MEGF11: variants seen among roughly 807,000 people sequenced by gnomAD.
MEGF11 encodes multiple epidermal growth factor-like domains protein 11.
In MEGF11, 126 loss-of-function variants were observed where a neutral mutation model predicts 146.6. That is an observed-to-expected ratio of 0.86 (90% CI 0.74 to 1.00). The LOEUF is 1.00. MEGF11 is among the 50% of genes least tolerant of loss of function. The pLI is 0.00. For synonymous variants in MEGF11, 532 were observed against 583.4 expected (o/e 0.91, Z 1.27); for missense variants, 1,509 against 1,521.2 (o/e 0.99, Z 0.13).
At chr15:66,200,981 G>A (rs2091143874) in intron 1 of MEGF11, among the ~76,000 whole-genome samples, 1 of 152,024 alleles carries the variant, frequency 6.6e-6, no homozygotes, top group African/African-American at 2.4e-5. Flanking sequence ...CGAGCCCAAG[G>A]CCAGATGGCT....
intron 10 of MEGF11, among the ~76,000 whole-genome samples, chr15:65,949,317 C>G (rs750828955): frequency 1.3e-5 from 2 of 152,166 alleles, no homozygotes; most frequent in Non-Finnish European, 2.9e-5. Flanking sequence ...AACTCTTGCG[C>G]CCCGCTCCCA....
At chr15:66,010,692 A>G (rs1046363393) in intron 5 of MEGF11, among the ~76,000 whole-genome samples, 4 of 152,160 alleles carry the variant, frequency 2.6e-5, no homozygotes, top group Non-Finnish European at 4.4e-5. Context: ...CAGAGTGTCA[A>G]TGTTGGACGT....
At chr15:66,203,235 G>A (rs1415303359) in intron 1 of MEGF11, among the ~76,000 whole-genome samples, 8 of 152,318 alleles carry the variant, frequency 5.3e-5, no homozygotes, top group Middle Eastern at 3.4e-3. Context: ...CATGGAGGTC[G>A]GAGAGCATCG....
At chr15:65,920,339 C>T (rs1215301248) in intron 15 of MEGF11, among the ~76,000 whole-genome samples, 3 of 152,220 alleles carry the variant, frequency 2.0e-5, no homozygotes, top group Non-Finnish European at 4.4e-5. Flanking sequence ...GTTTGCAGCT[C>T]AGGCTCCAGC....
chr15:66,166,124 T>A (rs2090090528), intron 1 of MEGF11, among the ~76,000 whole-genome samples: 1 of 152,150 alleles, frequency 6.6e-6, no homozygotes, highest in Non-Finnish European at 1.5e-5. Context: ...GCCAGCTGCC[T>A]ACTTGACATC....
intron 5 of MEGF11, among the ~76,000 whole-genome samples, chr15:66,009,661 C>T (rs1012634704): frequency 2.6e-5 from 4 of 151,022 alleles, no homozygotes; most frequent in East Asian, 3.9e-4. Flanking sequence ...GGCGTGAGCT[C>T]GGTTCACTGC....
chr15:66,100,127 C>T (rs944881421), intron 4 of MEGF11, among the ~76,000 whole-genome samples: 16 of 152,218 alleles, frequency 1.1e-4, no homozygotes, highest in African/African-American at 2.9e-4. Flanking sequence ...CCCCCGTGCA[C>T]GCTCTGCCCA....
At chr15:65,961,395 T>C (rs333567) in intron 9 of MEGF11, among the ~76,000 whole-genome samples, 122,283 of 152,086 alleles carry the variant, frequency 0.8, 50,567 homozygotes, top group Non-Finnish European at 0.91. Flanking sequence ...TGCCTTTCTT[T>C]CAGCTGCTAT....
intron 5 of MEGF11, among the ~76,000 whole-genome samples, chr15:66,017,387 G>A (rs973191404): frequency 5.3e-5 from 8 of 152,228 alleles, no homozygotes; most frequent in Non-Finnish European, 7.3e-5. Context: ...AAACAGATAC[G>A]ACGGTGCCCA....
At chr15:66,133,747 G>A (rs74021634) in intron 1 of MEGF11, among the ~76,000 whole-genome samples, 4,970 of 151,924 alleles carry the variant, frequency 0.033, 301 homozygotes, top group African/African-American at 0.11. Flanking sequence ...CCAGGGGTTG[G>A]GTTTATGTTG....
At chr15:66,251,971 A>T (rs569226015) in intron 1 of MEGF11, among the ~76,000 whole-genome samples, 1 of 152,226 alleles carries the variant, frequency 6.6e-6, no homozygotes, top group East Asian at 1.9e-4. Context: ...CACCCCGCCC[A>T]GTCTGCAGGG....
intron 5 of MEGF11, among the ~76,000 whole-genome samples, chr15:66,094,201 A>G (rs527812292): frequency 3.9e-5 from 6 of 152,306 alleles, no homozygotes; most frequent in Non-Finnish European, 7.4e-5. Context: ...ATGCCCTCAC[A>G]GGCCCCCATA....
At chr15:66,069,846 C>G (rs1331360851) in intron 5 of MEGF11, among the ~76,000 whole-genome samples, 1 of 152,164 alleles carries the variant, frequency 6.6e-6, no homozygotes, top group African/African-American at 2.4e-5. Context: ...TCCCTGTCAC[C>G]ACTACTCAAC....
chr15:66,096,880 A>G (rs981940726), intron 4 of MEGF11, among the ~76,000 whole-genome samples: 6 of 152,006 alleles, frequency 3.9e-5, no homozygotes, highest in Non-Finnish European at 5.9e-5. Context: ...TCCCTTGGTC[A>G]CTTCCCAAAG....
intron 5 of MEGF11, among the ~76,000 whole-genome samples, chr15:66,091,699 T>G (rs2086330329): frequency 6.6e-6 from 1 of 152,214 alleles, no homozygotes; most frequent in Non-Finnish European, 1.5e-5. Context: ...CAGTGCATAG[T>G]AAAATTCAAT....
At chr15:66,051,540 T>C (rs2084445444) in intron 5 of MEGF11, among the ~76,000 whole-genome samples, 1 of 152,186 alleles carries the variant, frequency 6.6e-6, no homozygotes, top group Non-Finnish European at 1.5e-5. Flanking sequence ...AAGTCAGCTC[T>C]CTCTCAAAGG....
intron 1 of MEGF11, among the ~76,000 whole-genome samples, chr15:66,171,948 C>T (rs896606538): frequency 7.9e-5 from 12 of 152,176 alleles, no homozygotes; most frequent in African/African-American, 2.4e-4. Context: ...TAATTCCCGG[C>T]GCCTCCAGCT....
At position 66,232,484 on chromosome 15, in the gene MEGF11, C is replaced by T. The variant is rs926564209; in HGVS notation, c.-9+21121G>A. Among the ~76,000 whole-genome samples the T allele has an allele frequency of 3.9e-5, 6 of 152,258 alleles. No homozygotes were observed. The East Asian group carries it at 9.7e-4, about 25-fold the overall frequency. On this transcript the variant is annotated intron_variant, in intron 1 of 25. Transcript: ENST00000395614. ...CATCTGAGCTCCACCCTTCTCTTTG[C>T]CCCTGGCCTGTTGGCTTCTTCTAAA... is the stretch of plus-strand genomic sequence containing the variant.
At chr15:66,196,018 C>T (rs1431832900) in intron 1 of MEGF11, among the ~76,000 whole-genome samples, 1 of 152,138 alleles carries the variant, frequency 6.6e-6, no homozygotes, top group Non-Finnish European at 1.5e-5. Context: ...GAAGAGCTTT[C>T]CAAGCTGAGG....
Sources: gnomAD v4.1 joint callset for allele counts (sites outside exome capture counted in the v4.1 genomes callset) on GRCh38, gnomAD v4.1.1 for gene constraint, MANE v1.5 for transcripts, NCBI Gene and HGNC (gene_info 2026-07-23, HGNC 2026-07-21) for gene names.